Variants in RBFOX1 observed in about 807,000 individuals in gnomAD.
The protein encoded by RBFOX1 is RNA binding fox-1 homolog 1, also known as RNA binding protein fox-1 homolog 1.
In RBFOX1, 8 loss-of-function variants were observed where a neutral mutation model predicts 57.7. The ratio of observed to expected loss-of-function variants is 0.14; its 90% confidence interval spans 0.08 to 0.25. The LOEUF is 0.25. RBFOX1 is among the 10% of genes least tolerant of loss of function. The probability of loss-of-function intolerance (pLI) is 1.00; values close to 1 mark genes in which losing one functional copy is unlikely to be tolerated. For synonymous variants in RBFOX1, 326 were observed against 222.4 expected (o/e 1.47, Z -4.15); for missense variants, 611 against 548.5 (o/e 1.11, Z -1.14).
intron 1 of RBFOX1, among the ~76,000 whole-genome samples, chr16:5,435,542 A>G (rs1178667895): frequency 6.6e-6 from 1 of 152,150 alleles, no homozygotes; most frequent in African/African-American, 2.4e-5. Context: ...ACATCTTTCT[A>G]GTTCCAGTGT....
intron 2 of RBFOX1, among the ~76,000 whole-genome samples, chr16:5,598,490 A>T (rs78928682): frequency 0.032 from 4,937 of 152,264 alleles, 253 homozygotes; most frequent in African/African-American, 0.11. Flanking sequence ...TTCCTTTGAG[A>T]TAGTCTTAAT....
chr16:6,277,665 CA>C (rs60150908), intron 1 of RBFOX1, among the ~76,000 whole-genome samples: 4,019 of 119,016 alleles, frequency 0.034, 120 homozygotes, highest in African/African-American at 0.087. Context: ...GACCTTGTCT[CA>C]AAAAAAAAAA....
At chr16:6,568,855 G>A (rs574287274) in intron 2 of RBFOX1, among the ~76,000 whole-genome samples, 4 of 152,002 alleles carry the variant, frequency 2.6e-5, no homozygotes, top group Admixed American at 6.6e-5. Context: ...TGCAACCTCC[G>A]CCTCCTGGGT....
chr16:5,270,402 A>T, intron 1 of RBFOX1: 2 of 1,254,916 alleles, frequency 1.6e-6, no homozygotes. Flanking sequence ...GTGCAGAATG[A>T]TGAAGTTGCA....
intron 2 of RBFOX1, among the ~76,000 whole-genome samples, chr16:6,333,265 G>C (rs1235091833): frequency 6.6e-6 from 1 of 152,096 alleles, no homozygotes; most frequent in Non-Finnish European, 1.5e-5. Context: ...GGCTGGTCTT[G>C]AATTCCTGAG....
intron 1 of RBFOX1, chr16:5,270,265 A>G (rs1305306547): frequency 1.7e-6 from 1 of 599,066 alleles, no homozygotes; most frequent in Non-Finnish European, 3.0e-6. Context: ...AAAGATCAGT[A>G]TGATGTAAAA....
chr16:6,874,339 C>T (rs1275906133), intron 3 of RBFOX1, among the ~76,000 whole-genome samples: 1 of 151,752 alleles, frequency 6.6e-6, no homozygotes, highest in Non-Finnish European at 1.5e-5. Flanking sequence ...GATGAAACTG[C>T]ATCTCCACTA....
intron 2 of RBFOX1, among the ~76,000 whole-genome samples, chr16:6,332,572 G>A (rs140261228): frequency 5.3e-5 from 8 of 152,274 alleles, no homozygotes; most frequent in African/African-American, 1.9e-4. Context: ...TTCATAAAAT[G>A]TTCATGTCAC....
chr16:6,968,034 G>A (rs914974957), intron 3 of RBFOX1, among the ~76,000 whole-genome samples: 1 of 152,116 alleles, frequency 6.6e-6, no homozygotes, highest in African/African-American at 2.4e-5. Flanking sequence ...AAGCCATGTG[G>A]GCTCACAGTG....
intron 3 of RBFOX1, among the ~76,000 whole-genome samples, chr16:6,699,502 A>G (rs780486425): frequency 6.6e-5 from 10 of 152,208 alleles, no homozygotes; most frequent in Non-Finnish European, 1.3e-4. Context: ...AGCACATTAT[A>G]TAATGTGTCC....
At chr16:5,674,984 G>C (rs185663149) in intron 3 of RBFOX1, among the ~76,000 whole-genome samples, 3 of 151,948 alleles carry the variant, frequency 2.0e-5, no homozygotes, top group African/African-American at 4.8e-5. Flanking sequence ...GCGTCTCTCC[G>C]AAAAATTTTA....
chr16:6,127,179 AAG>A (rs1334043869), intron 1 of RBFOX1, among the ~76,000 whole-genome samples: 1 of 152,116 alleles, frequency 6.6e-6, no homozygotes, highest in Admixed American at 6.6e-5. Context: ...TGAATGGAGT[AAG>A]AGGGTAATGA....
chr16:6,559,578 G>A (rs1455906025), intron 2 of RBFOX1, among the ~76,000 whole-genome samples: 2 of 152,016 alleles, frequency 1.3e-5, no homozygotes, highest in East Asian at 3.9e-4. Context: ...GAAGGACATT[G>A]GAAAATAGGA....
chr16:5,409,943 G>A (rs938640812), intron 1 of RBFOX1, among the ~76,000 whole-genome samples: 5 of 151,876 alleles, frequency 3.3e-5, no homozygotes, highest in Admixed American at 1.3e-4. Flanking sequence ...AGCTACTTGG[G>A]AAGGTGAGGT....
intron 4 of RBFOX1, among the ~76,000 whole-genome samples, chr16:5,927,469 G>A (rs1400481775): frequency 6.6e-6 from 1 of 152,174 alleles, no homozygotes; most frequent in Non-Finnish European, 1.5e-5. Context: ...AGGGTGTGGA[G>A]AAAAGAGAAC....
chr16:6,699,840 A>T (rs1430772280), intron 3 of RBFOX1, among the ~76,000 whole-genome samples: 2 of 152,174 alleles, frequency 1.3e-5, no homozygotes, highest in East Asian at 1.9e-4. Flanking sequence ...GATAAGTGTC[A>T]AATGAGGGGT....
intron 2 of RBFOX1, among the ~76,000 whole-genome samples, chr16:6,420,485 C>G (rs114050114): frequency 0.011 from 1,718 of 151,886 alleles, 27 homozygotes; most frequent in African/African-American, 0.038. Flanking sequence ...AAAATGTAGT[C>G]TTTTGAAGAG....
chr16:6,575,914 C>G (rs527729360), intron 2 of RBFOX1, among the ~76,000 whole-genome samples: 16 of 149,672 alleles, frequency 1.1e-4, no homozygotes, highest in Non-Finnish European at 1.8e-4. Context: ...TAAAAACATG[C>G]AAGATAATTT....
intron 2 of RBFOX1, among the ~76,000 whole-genome samples, chr16:6,481,779 G>C (rs929810210): frequency 6.6e-6 from 1 of 152,122 alleles, no homozygotes; most frequent in Non-Finnish European, 1.5e-5. Context: ...TTTACTTTAT[G>C]GTTATCTCAG....
Sources: gnomAD v4.1 joint callset for allele counts (sites outside exome capture counted in the v4.1 genomes callset) on GRCh38, gnomAD v4.1.1 for gene constraint, MANE v1.5 for transcripts, NCBI Gene and HGNC (gene_info 2026-07-23, HGNC 2026-07-21) for gene names.